Variants in MCTP1 observed in about 807,000 individuals in gnomAD.
The protein encoded by MCTP1 is multiple C2 and transmembrane domain-containing protein 1.
MCTP1 carries 69 observed loss-of-function variants against 120.6 expected under a neutral mutation model. That is an observed-to-expected ratio of 0.57 (90% CI 0.47 to 0.70). The LOEUF is 0.70. MCTP1 is among the 30% of genes least tolerant of loss of function. The pLI, the probability that MCTP1 is intolerant of heterozygous loss-of-function variation, is 0.00. For missense variants in MCTP1, 1,203 were observed against 1,248.8 expected, an observed-to-expected ratio of 0.96 and a Z score of 0.55; for synonymous variants, 529 against 493.1, an observed-to-expected ratio of 1.07 and a Z score of -0.96.
intron 3 of MCTP1, among the ~76,000 whole-genome samples, chr5:94,952,904 T>A (rs537155292): frequency 6.6e-6 from 1 of 152,324 alleles, no homozygotes; most frequent in African/African-American, 2.4e-5. Flanking sequence ...AAGTTCTCCT[T>A]TCTGTTAACT....
At chr5:95,253,881 A>G (rs1757621835) in intron 1 of MCTP1, among the ~76,000 whole-genome samples, 1 of 152,040 alleles carries the variant, frequency 6.6e-6, no homozygotes, top group Non-Finnish European at 1.5e-5. Flanking sequence ...TATATTTGCA[A>G]TTTTCAGGAT....
chr5:94,848,629 T>C (rs899661428), intron 17 of MCTP1, among the ~76,000 whole-genome samples: 4 of 152,096 alleles, frequency 2.6e-5, no homozygotes, highest in African/African-American at 9.7e-5. Context: ...GATGATTGAA[T>C]TAATTTCAAA....
intron 2 of MCTP1, among the ~76,000 whole-genome samples, chr5:94,973,188 C>T (rs1827289607): frequency 1.3e-5 from 2 of 152,292 alleles, no homozygotes; most frequent in Admixed American, 1.3e-4. Flanking sequence ...AACTTGTAAG[C>T]AGTGGCAGCT....
chr5:95,068,677 G>T, intron 1 of MCTP1: 2 of 534,390 alleles, frequency 3.7e-6, no homozygotes, highest in Non-Finnish European at 5.6e-6. Context: ...TCTCCATGTC[G>T]GTTTGCATTA....
At chr5:95,279,749 T>C (rs185780679) in intron 1 of MCTP1, among the ~76,000 whole-genome samples, 159 of 152,358 alleles carry the variant, frequency 1.0e-3, no homozygotes, top group African/African-American at 3.7e-3. Flanking sequence ...AAATATGTCA[T>C]CCTCTTTACT....
Position 94,704,630 on chromosome 5 carries a change from T to C in MCTP1, c.*2866A>G, listed in dbSNP as rs1561491383. ...TGTATCAATTAAATTTGGCTCTCACTGTACTTCAACTCCAGATTTGATTTT... is the reference window on the plus strand; with the variant it reads ...TGTATCAATTAAATTTGGCTCTCACCGTACTTCAACTCCAGATTTGATTTT... On this transcript the variant is annotated 3_prime_UTR_variant, in exon 23 of 23. Coordinates refer to ENST00000515393, the MANE Select transcript of MCTP1 (RefSeq NM_024717.7). 2 of 149,990 alleles carry C rather than the reference T, an allele frequency of 1.3e-5. No homozygotes were observed. The highest frequency in any genetic ancestry group is 2.5e-5 in the African/African-American group (1 of 40,088). The allele number at this position is 149,990 out of a possible 1,614,324, so 9.3% of individuals were successfully genotyped here. A position where few individuals can be genotyped will look rare whatever the true frequency, so the allele number is the denominator to read the frequency against.
chr5:94,731,515 T>G (rs1763129022), intron 19 of MCTP1, among the ~76,000 whole-genome samples: 1 of 152,224 alleles, frequency 6.6e-6, no homozygotes, highest in African/African-American at 2.4e-5. Flanking sequence ...TGACTTTTCC[T>G]ACCTGATTCT....
At chr5:94,940,501 A>G (rs1436075089) in intron 4 of MCTP1, among the ~76,000 whole-genome samples, 2 of 148,602 alleles carry the variant, frequency 1.3e-5, no homozygotes, top group East Asian at 4.0e-4. Context: ...CTAAACCCAC[A>G]GAGAGTAGCG....
chr5:95,050,435 G>A (rs1302253483), intron 1 of MCTP1, among the ~76,000 whole-genome samples: 1 of 152,134 alleles, frequency 6.6e-6, no homozygotes, highest in African/African-American at 2.4e-5. Flanking sequence ...TTATCTGCCT[G>A]GATGGGGCTG....
chr5:94,767,886 G>A (rs1466830830), intron 19 of MCTP1, among the ~76,000 whole-genome samples: 5 of 152,046 alleles, frequency 3.3e-5, no homozygotes, highest in Non-Finnish European at 7.4e-5. Context: ...ACATTCTTCT[G>A]AGAAATAGAA....
At chr5:94,782,728 A>T (rs576182418) in intron 18 of MCTP1, among the ~76,000 whole-genome samples, 11 of 152,200 alleles carry the variant, frequency 7.2e-5, no homozygotes, top group Admixed American at 2.0e-4. Context: ...TAAGCACTAC[A>T]TCGTTTTGTT....
chr5:95,109,139 G>C (rs911228284), intron 1 of MCTP1, among the ~76,000 whole-genome samples: 3 of 152,106 alleles, frequency 2.0e-5, no homozygotes, highest in Admixed American at 6.6e-5. Context: ...AGATTTGGTT[G>C]CTCCCATTGA....
chr5:94,863,286 G>A (rs537479543), intron 17 of MCTP1, among the ~76,000 whole-genome samples: 24 of 151,818 alleles, frequency 1.6e-4, no homozygotes, highest in Non-Finnish European at 3.4e-4. Context: ...TGTGTAGAAA[G>A]TAACAAAAGT....
At chr5:95,213,741 C>A in intron 1 of MCTP1, among the ~76,000 whole-genome samples, 1 of 152,088 alleles carries the variant, frequency 6.6e-6, no homozygotes, top group Non-Finnish European at 1.5e-5. Flanking sequence ...TTTGACAAAC[C>A]TGAGAAAAAC....
intron 10 of MCTP1, among the ~76,000 whole-genome samples, 189 bp downstream of exon 10, chr5:94,909,062 A>G (rs1456301591): frequency 1.3e-5 from 2 of 152,098 alleles, no homozygotes; most frequent in African/African-American, 2.4e-5. Flanking sequence ...GTGTCCATCA[A>G]CTGGTCAAAA....
chr5:94,876,205 T>C (rs1174941117), intron 12 of MCTP1, among the ~76,000 whole-genome samples: 2 of 152,196 alleles, frequency 1.3e-5, no homozygotes, highest in African/African-American at 2.4e-5. Flanking sequence ...TTTGATTATC[T>C]GCCACTTAAA....
At chr5:95,103,320 T>C (rs993920892) in intron 1 of MCTP1, among the ~76,000 whole-genome samples, 2 of 151,872 alleles carry the variant, frequency 1.3e-5, no homozygotes, top group African/African-American at 2.4e-5. Flanking sequence ...TGAAATTATA[T>C]ATTTTTTTTA....
At chr5:95,213,139 T>G (rs974311074) in intron 1 of MCTP1, among the ~76,000 whole-genome samples, 1 of 152,176 alleles carries the variant, frequency 6.6e-6, no homozygotes, top group Non-Finnish European at 1.5e-5. Context: ...CAAAATCTCC[T>G]TAAGCTGATA....
At chr5:94,827,258 A>T (rs921978922) in intron 17 of MCTP1, among the ~76,000 whole-genome samples, 1 of 152,116 alleles carries the variant, frequency 6.6e-6, no homozygotes, top group Admixed American at 6.6e-5. Context: ...GAAATTCTGG[A>T]TTGAAAATTC....
Sources: allele counts gnomAD v4.1 joint callset (sites outside exome capture counted in the v4.1 genomes callset), GRCh38; gene constraint gnomAD v4.1.1; transcripts MANE v1.5; gene names NCBI Gene and HGNC (gene_info 2026-07-23, HGNC 2026-07-21).